The following RNF213 variants were observed in gnomAD, a reference collection of about 807,000 sequenced individuals.
RNF213 encodes E3 ubiquitin-protein ligase RNF213.
In RNF213, 341 loss-of-function variants were observed where a neutral mutation model predicts 514.4. The ratio of observed to expected loss-of-function variants is 0.66; its 90% CI spans 0.61 to 0.73. The LOEUF is 0.73. Among genes scored for constraint, RNF213 ranks in the 30% least tolerant of loss-of-function variants. The pLI is 0.00. For synonymous variants in RNF213, 2,655 were observed against 2,658.2 expected (o/e 1.00, Z 0.04); for missense variants, 5,767 against 6,615.6 (o/e 0.87, Z 4.45).
chr17:80,268,524 G>A (rs571915284), intron 2 of RNF213, among the ~76,000 whole-genome samples: 2 of 152,172 alleles, frequency 1.3e-5, no homozygotes, highest in South Asian at 2.1e-4. Context: ...ATGAATGATC[G>A]TAAGCTTAAT....
chr17:80,346,215 G>A lies in RNF213; in HGVS notation c.7880G>A (p.Arg2627Lys), dbSNP rs1568104681. Residue 2627 changes from arginine to lysine, a missense_variant, in exon 29 of 68, where the codon AGG (arginine) becomes AAG (lysine). Arg to Lys is a conservative substitution (Grantham distance 26). Coordinates refer to ENST00000582970, the MANE Select transcript of RNF213 (RefSeq NM_001256071.3). The surrounding 1 kb of genome is among the most constrained non-coding windows in gnomAD (Gnocchi z 8.1). ...EVLCASQGFMRKTEDECSFVS... is the reference protein window; with the variant it reads ...EVLCASQGFMKKTEDECSFVS... Reference sequence around the variant, plus strand: ...CTCTGCGCCTCTCAGGGTTTCATGAGGAAAACAGAAGATGAGTGCAGCTTT... The same window carrying A: ...CTCTGCGCCTCTCAGGGTTTCATGAAGAAAACAGAAGATGAGTGCAGCTTT... 2 of 1,614,102 alleles carry A rather than the reference G, an allele frequency of 1.2e-6. No homozygotes were observed. The highest frequency in any genetic ancestry group is 1.7e-6 in the Non-Finnish European group (2 of 1,180,058).
At chr17:80,351,603 A>G in intron 31 of RNF213, 82 bp from the exon 32 acceptor site, 1 of 796,096 alleles carries the variant, frequency 1.3e-6, no homozygotes, top group Non-Finnish European at 2.1e-6. Flanking sequence ...CTGCAGCTGC[A>G]CAGCTTTGCT....
intron 49 of RNF213, among the ~76,000 whole-genome samples, chr17:80,373,975 C>T (rs1025935294): frequency 1.4e-5 from 2 of 140,894 alleles, no homozygotes; most frequent in African/African-American, 2.7e-5. Context: ...TGCACTCCAG[C>T]GCCTGGGCGA....
chr17:80,288,881 G>C lies in RNF213; in HGVS notation c.933+126G>C. On this transcript the variant is annotated intron_variant, in intron 5 of 67. Transcript: ENST00000582970. This position sits in a 1 kb window ranked among gnomAD's most constrained non-coding sequence, Gnocchi z 4.9. ...ATAGCCATGATTCAGACAAAGCTCTGGCCTTCGGGGTGCTCACATTCCAGC... is the reference window on the plus strand; with the variant it reads ...ATAGCCATGATTCAGACAAAGCTCTCGCCTTCGGGGTGCTCACATTCCAGC... The C allele has an allele frequency of 6.6e-7, 1 of 1,504,820 alleles. No homozygotes were observed. Among genetic ancestry groups the C allele is most frequent in the Non-Finnish European group, 9.1e-7 (1 of 1,099,678 alleles). The allele number at this position is 1,504,820 out of a possible 1,614,324, so 93.2% of individuals were successfully genotyped here. A position where few individuals can be genotyped will look rare whatever the true frequency, so the allele number is the denominator to read the frequency against.
In RNF213 at chr17:80,286,026, G is replaced by A. The variant is rs146170558; in HGVS notation, c.262-1789G>A. On this transcript the variant is annotated intron_variant, in intron 3 of 67. Coordinates refer to ENST00000582970, the MANE Select transcript of RNF213 (RefSeq NM_001256071.3). ...CTCACTCTGTCGCCCAGGCTGGAGT[G>A]CAGTGGCCAGATCTCAGTGAGGCCC... 2.1e-3 allele frequency among the ~76,000 whole-genome samples: 322 copies of A among 152,340 alleles called. 2 individuals are homozygous for A. The highest frequency in any genetic ancestry group is 7.1e-3 in the African/African-American group (296 of 41,588).
At position 80,347,743 on chromosome 17, in the gene RNF213, C is replaced by G; in HGVS notation, c.9408C>G (p.His3136Gln). Residue 3136 changes from histidine (H) to glutamine (Q), a missense_variant, in exon 29 of 68, where the codon CAC (histidine) becomes CAG (glutamine). His to Gln is a conservative substitution (Grantham distance 24). Coordinates refer to ENST00000582970, the MANE Select transcript of RNF213 (RefSeq NM_001256071.3). This position sits in a 1 kb window ranked among gnomAD's most constrained non-coding sequence, Gnocchi z 7.2. ...QKYVDLGLGT[H>Q]RVKCRVHPNF... ...ACGTGGACCTCGGTCTGGGGACCCA[C>G]CGCGTCAAATGTCGGGTTCACCCCA... 1 of 1,614,160 alleles carries G rather than the reference C, an allele frequency of 6.2e-7. No homozygotes were observed. The highest frequency in any genetic ancestry group is 1.1e-5 in the South Asian group (1 of 91,088).
At chr17:80,265,376 C>T (rs908844163) in intron 2 of RNF213, among the ~76,000 whole-genome samples, 9 of 152,152 alleles carry the variant, frequency 5.9e-5, no homozygotes, top group Non-Finnish European at 5.9e-5. Flanking sequence ...AATAATAGTG[C>T]GGAGAGCACT....
chr17:80,327,668 A>T (rs1017953026), intron 18 of RNF213, 148 bp from the exon 19 acceptor site: 1 of 648,266 alleles, frequency 1.5e-6, no homozygotes, highest in Admixed American at 3.0e-5. Context: ...GAGTGGAATG[A>T]TTGGCGCATC....
At chr17:80,318,025 G>C (rs1307941967) in intron 16 of RNF213, among the ~76,000 whole-genome samples, 1 of 152,128 alleles carries the variant, frequency 6.6e-6, no homozygotes, top group Non-Finnish European at 1.5e-5. Flanking sequence ...TCTGGTCCAG[G>C]TGTCTGGCTG....
chr17:80,278,731 C>G, intron 3 of RNF213: 7 of 1,536,740 alleles, frequency 4.6e-6, no homozygotes, highest in Non-Finnish European at 6.1e-6. Flanking sequence ...GTGCACAGCC[C>G]TGCCCTGTCT....
chr17:80,364,320 G>A lies in RNF213; in HGVS notation c.11751-113G>A, dbSNP rs930014252. The A allele has an allele frequency of 1.3e-5, 19 of 1,461,304 alleles. No individual in the cohort carries two copies. The Middle Eastern group carries it at 9.6e-4, about 74-fold the overall frequency. The allele number at this position is 1,461,304 out of a possible 1,614,324, so 90.5% of individuals were successfully genotyped here. A position where few individuals can be genotyped will look rare whatever the true frequency, so the allele number is the denominator to read the frequency against. On this transcript the variant is annotated intron_variant, in intron 41 of 67. Transcript: ENST00000582970. Reference sequence around the variant, plus strand: ...ATAGGGCTTGCTTGTAATCCCAGCCGCTGGGCCTGGACCCCGGGTCCCGCA... The same window carrying A: ...ATAGGGCTTGCTTGTAATCCCAGCCACTGGGCCTGGACCCCGGGTCCCGCA...
At chr17:80,286,907 A>G (rs938477167) in intron 3 of RNF213, among the ~76,000 whole-genome samples, 3 of 152,112 alleles carry the variant, frequency 2.0e-5, no homozygotes, top group East Asian at 3.9e-4. Context: ...GGGACCGTAC[A>G]CCTGAACCTG....
chr17:80,373,471 G>A (rs2144524916), intron 49 of RNF213, among the ~76,000 whole-genome samples: 1 of 152,132 alleles, frequency 6.6e-6, no homozygotes, highest in South Asian at 2.1e-4. Context: ...GCCCCAGCTT[G>A]TGATCATGTT....
At chr17:80,287,231 C>T (rs548065555) in intron 3 of RNF213, among the ~76,000 whole-genome samples, 2 of 152,078 alleles carry the variant, frequency 1.3e-5, no homozygotes, top group East Asian at 1.9e-4. Flanking sequence ...AATGGTGGTT[C>T]GCGCCTGTAA....
chr17:80,389,059 G>C, intron 64 of RNF213, 114 bp from the exon 65 acceptor site: 1 of 997,700 alleles, frequency 1.0e-6, no homozygotes, highest in Non-Finnish European at 1.6e-6. Context: ...AGCTGTTAGA[G>C]AGTTGGCCCC....
At chr17:80,382,693 C>T (rs1032742373) in intron 57 of RNF213, 3 of 349,310 alleles carry the variant, frequency 8.6e-6, no homozygotes, top group Non-Finnish European at 1.1e-5. Context: ...CTGGGCCACT[C>T]TTACTATTGA....
chr17:80,275,346 G>A (rs932535020), intron 3 of RNF213, among the ~76,000 whole-genome samples: 6 of 151,974 alleles, frequency 3.9e-5, no homozygotes, highest in East Asian at 1.9e-4. Flanking sequence ...GTCAGAGTGG[G>A]AAAGTGGCAG....
intron 11 of RNF213, among the ~76,000 whole-genome samples, chr17:80,302,867 G>A (rs2045228071): frequency 6.6e-6 from 1 of 152,098 alleles, no homozygotes; most frequent in African/African-American, 2.4e-5. Context: ...TTCTTGACAG[G>A]TAACCACAAA....
chr17:80,374,004 CAAAAAAAAA>C (rs397968636), intron 49 of RNF213, among the ~76,000 whole-genome samples: 1 of 96,208 alleles, frequency 1.0e-5, no homozygotes, highest in African/African-American at 4.0e-5. Context: ...GACTCCGTCT[CAAAAAAAAA>C]AAAAAAAAAA....
Sources: gnomAD v4.1 joint callset for allele counts (sites outside exome capture counted in the v4.1 genomes callset) on GRCh38, gnomAD v4.1.1 for gene constraint, Gnocchi (gnomAD v3.1) non-coding constraint, MANE v1.5 for transcripts, NCBI Gene and HGNC (gene_info 2026-07-23, HGNC 2026-07-21) for gene names.